CERS3: variants seen among roughly 807,000 people sequenced by gnomAD.
CERS3 encodes LAG1 homolog, ceramide synthase 3.
CERS3 carries 33 observed loss-of-function variants against 50.3 expected under a neutral mutation model. The observed-to-expected ratio is 0.66, with a 90% CI of 0.50 to 0.88. The LOEUF is 0.88. Ranked by LOEUF, CERS3 falls within the 40% of genes least tolerant of loss-of-function variation. The pLI is 0.00. For missense variants in CERS3, 470 were observed against 460.3 expected (o/e 1.02, Z -0.19); for synonymous variants, 176 against 155.2 (o/e 1.13, Z -0.99).
At chr15:100,402,956 C>G in intron 11 of CERS3, 91 bp from the exon 12 acceptor site, 2 of 1,307,422 alleles carry the variant, frequency 1.5e-6, no homozygotes, top group Non-Finnish European at 2.1e-6. Context: ...GTATGGCTCC[C>G]TTTAAGGAAA....
chr15:100,475,761 G>C (rs1028314421), intron 8 of CERS3: 1 of 155,558 alleles, frequency 6.4e-6, no homozygotes, highest in Non-Finnish European at 1.4e-5. Context: ...TGTGGTTGTA[G>C]AATTAATACT....
intron 11 of CERS3, among the ~76,000 whole-genome samples, chr15:100,406,333 A>G (rs2031022529): frequency 6.6e-6 from 1 of 152,338 alleles, no homozygotes; most frequent in East Asian, 1.9e-4. Context: ...GATGACATCC[A>G]TAACTGTACA....
intron 11 of CERS3, among the ~76,000 whole-genome samples, chr15:100,417,037 C>A (rs2031967251): frequency 1.3e-5 from 2 of 152,156 alleles, no homozygotes; most frequent in African/African-American, 2.4e-5. Context: ...CCATTTCACA[C>A]CAGTCAGAAC....
At chr15:100,461,785 C>T (rs1455774565) in intron 10 of CERS3, among the ~76,000 whole-genome samples, 3 of 152,090 alleles carry the variant, frequency 2.0e-5, no homozygotes, top group Non-Finnish European at 4.4e-5. Context: ...GGAATGGGGA[C>T]TCTGCTGCCT....
Position 100,401,774 on chromosome 15 carries a change from G to A in CERS3, c.*939C>T, listed in dbSNP as rs145292279. The A allele has an allele frequency of 1.3e-5, 2 of 152,366 alleles. No individual in the cohort carries two copies. Among genetic ancestry groups the A allele is most frequent in the East Asian group, 1.9e-4 (1 of 5,158 alleles). 9.4% of individuals were successfully genotyped at this position (152,366 alleles called of 1,614,324 possible). ...GGTACTGTGCTGGCCTGAAGGAAGG[G>A]CTCAGGGCAGCAGCACAGAAGCTTC... is the stretch of plus-strand genomic sequence containing the variant. On this transcript the variant is annotated 3_prime_UTR_variant, in exon 12 of 12. Transcript: ENST00000679737.
rs576232000 is a variant in CERS3 at position 100,427,942 on chromosome 15, G to T, written c.1000-25077C>A. Among the ~76,000 whole-genome samples the T allele has an allele frequency of 1.7e-3, 252 of 152,282 alleles. 1 individual carries two copies. Among genetic ancestry groups the T allele is most frequent in the African/African-American group, 5.1e-3 (210 of 41,564 alleles). The stretch of plus-strand genomic sequence containing the variant: ...GTGAAAAAAGCAATGAGAGAGCCAC[G>T]TCACTAAGTGAATTAGAATGAATGA... On this transcript the variant is annotated intron_variant, in intron 11 of 11. Coordinates refer to ENST00000679737, the MANE Select transcript of CERS3 (RefSeq NM_001378789.1).
chr15:100,501,580 A>G (rs1397241671), intron 3 of CERS3, 97 bp downstream of exon 3: 1 of 1,083,838 alleles, frequency 9.2e-7, no homozygotes, highest in Admixed American at 2.2e-5. Flanking sequence ...CCTCTGAACA[A>G]CAGATTCTTT....
intron 2 of CERS3, among the ~76,000 whole-genome samples, chr15:100,506,160 A>T (rs1186192040): frequency 2.0e-5 from 3 of 152,230 alleles, no homozygotes; most frequent in African/African-American, 7.2e-5. Flanking sequence ...ATGATGACCC[A>T]CAGAATGGAA....
At chr15:100,456,117 A>G (rs2142198179) in intron 10 of CERS3, 71 bp from the exon 11 acceptor site, 1 of 1,221,258 alleles carries the variant, frequency 8.2e-7, no homozygotes, top group African/African-American at 1.6e-5. Context: ...AATAAAACAA[A>G]TAGTTTTTCT....
In CERS3 at chr15:100,527,386, T is replaced by C. The variant is rs954031773; in HGVS notation, c.-92+1427A>G. On this transcript the variant is annotated intron_variant, in intron 1 of 11. Coordinates refer to ENST00000679737, the MANE Select transcript of CERS3 (RefSeq NM_001378789.1). ...TTTGAATTTTGATCTGTCTTTCTAGTCAATGTTCTGTCCACCACACCAAGC... is the reference window on the plus strand; with the variant it reads ...TTTGAATTTTGATCTGTCTTTCTAGCCAATGTTCTGTCCACCACACCAAGC... 1.1e-4 allele frequency among the ~76,000 whole-genome samples: 16 copies of C among 152,146 alleles called. 1 individual carries two copies. Among genetic ancestry groups the C allele is most frequent in the Admixed American group, 1.3e-4 (2 of 15,278 alleles).
At chr15:100,501,608 TAA>T (rs915926323) in intron 3 of CERS3, 67 bp downstream of exon 3, 70 of 1,359,870 alleles carry the variant, frequency 5.1e-5, no homozygotes, top group Non-Finnish European at 6.8e-5. Flanking sequence ...TCACTAAGCC[TAA>T]GACTGTATTA....
intron 10 of CERS3, among the ~76,000 whole-genome samples, chr15:100,462,187 C>G (rs541325861): frequency 7.2e-5 from 11 of 152,326 alleles, no homozygotes; most frequent in African/African-American, 2.4e-4. Context: ...TTGTCCCTGT[C>G]CACTGGATTT....
rs1027616585 is a variant in CERS3 at position 100,501,718 on chromosome 15, T to C, written c.132A>G (p.Pro44=). The part of the protein sequence containing the change: ...VKPSHLYVTI[P]YAFLLLIIRR... ...TGATAATCAGCAAGAGAAAAGCATA[T>C]GGAATTGTCACGTATAAATGAGAAG... Residue 44 remains proline, a synonymous_variant, in exon 3 of 12, where the codon CCA becomes CCG. Transcript: ENST00000679737. 5.6e-6 allele frequency: 9 copies of C among 1,613,780 alleles called. No homozygotes were observed. The highest frequency in any genetic ancestry group is 1.7e-5 in the Admixed American group (1 of 59,998).
At chr15:100,447,249 C>T (rs1486335842) in intron 11 of CERS3, among the ~76,000 whole-genome samples, 1 of 152,198 alleles carries the variant, frequency 6.6e-6, no homozygotes, top group African/African-American at 2.4e-5. Flanking sequence ...TATCTTAATA[C>T]AGACATTCCT....
At chr15:100,462,616 A>G (rs1429244830) in intron 10 of CERS3, among the ~76,000 whole-genome samples, 1 of 152,196 alleles carries the variant, frequency 6.6e-6, no homozygotes, top group East Asian at 1.9e-4. Context: ...TTTGAAGCCT[A>G]TCTGTTCTGT....
At position 100,402,308 on chromosome 15, in the gene CERS3, G is replaced by T. The variant is rs148684045; in HGVS notation, c.*405C>A. ...TCTAACTCATTTTGAGAAAGAAGCT[G>T]CTCTTTGTGGCCAAACACACCTGGG... On this transcript the variant is annotated 3_prime_UTR_variant, in exon 12 of 12. Transcript: ENST00000679737. The T allele has an allele frequency of 6.6e-3, 1,054 of 160,600 alleles. 5 individuals carry two copies. The highest frequency in any genetic ancestry group is 9.5e-3 in the Middle Eastern group (3 of 316). The allele number at this position is 160,600 out of a possible 1,614,324, so 9.9% of individuals were successfully genotyped here.
rs2034637399 is a variant in CERS3, at chr15:100,464,103, G to C, written c.845+5275C>G. Among the ~76,000 whole-genome samples, 6 of 152,088 alleles carry C rather than the reference G, an allele frequency of 3.9e-5. No homozygotes were observed. The South Asian group carries it at 1.2e-3, about 32-fold the overall frequency. On this transcript the variant is annotated intron_variant, in intron 10 of 11. Transcript: ENST00000679737. ...CCCAGGGTACCATTTTTCTACACTT[G>C]TAATAGCTGGATCATCAAACGCTGA...
intron 10 of CERS3, among the ~76,000 whole-genome samples, chr15:100,456,766 G>A (rs1398794646): frequency 6.6e-6 from 1 of 152,026 alleles, no homozygotes; most frequent in Non-Finnish European, 1.5e-5. Flanking sequence ...GGCCAACATG[G>A]CAAAACCCCA....
chr15:100,508,595 C>T (rs1475472905), intron 2 of CERS3, among the ~76,000 whole-genome samples: 1 of 152,176 alleles, frequency 6.6e-6, no homozygotes, highest in Non-Finnish European at 1.5e-5. Flanking sequence ...CTTTAAGGAC[C>T]TTGATTTTGA....
Sources: allele counts gnomAD v4.1 joint callset (sites outside exome capture counted in the v4.1 genomes callset), GRCh38; gene constraint gnomAD v4.1.1; transcripts MANE v1.5; gene names NCBI Gene and HGNC (gene_info 2026-07-23, HGNC 2026-07-21).